HECW2: variants seen among roughly 807,000 people sequenced by gnomAD.
The protein encoded by HECW2 is HECT, C2 and WW domain containing E3 ubiquitin protein ligase 2, also known as E3 ubiquitin-protein ligase HECW2.
In HECW2, 61 loss-of-function variants were observed where a neutral mutation model predicts 175.2. The ratio of observed to expected loss-of-function variants is 0.35; its 90% CI spans 0.28 to 0.43. The LOEUF (loss-of-function observed/expected upper bound fraction) is 0.43, where lower values mean the gene tolerates loss of function less well. Ranked by LOEUF, HECW2 falls within the 20% of genes least tolerant of loss-of-function variation. The pLI, the probability that HECW2 is intolerant of heterozygous loss-of-function variation, is 1.00. For synonymous variants in HECW2, 671 were observed against 731.0 expected, an observed-to-expected ratio of 0.92 and a Z score of 1.32; for missense variants, 1,524 against 2,000.5, an observed-to-expected ratio of 0.76 and a Z score of 4.54.
Position 196,327,423 on chromosome 2 carries a change from T to C in HECW2, c.571+2152A>G, listed in dbSNP as rs1251160518. On this transcript the variant is annotated intron_variant, in intron 5 of 28. Coordinates refer to ENST00000644978, the MANE Select transcript of HECW2 (RefSeq NM_001348768.2). ...GCTCACAAATATCCACACCATATAA[T>C]AGGCCAAAGAAGGACTCAAAGTCAC... Among the ~76,000 whole-genome samples, 5 of 152,236 alleles carry C rather than the reference T, an allele frequency of 3.3e-5. No individual in the cohort carries two copies. The South Asian group carries it at 6.2e-4, about 19-fold the overall frequency.
At chr2:196,398,630 T>C (rs1490903933) in intron 2 of HECW2, among the ~76,000 whole-genome samples, 1 of 152,180 alleles carries the variant, frequency 6.6e-6, no homozygotes, top group Non-Finnish European at 1.5e-5. Context: ...AGGTGGCATC[T>C]TTCTCTATTA....
intron 1 of HECW2, among the ~76,000 whole-genome samples, chr2:196,531,184 G>T (rs1688826789): frequency 6.6e-6 from 1 of 152,154 alleles, no homozygotes; most frequent in Admixed American, 6.6e-5. Flanking sequence ...GATAAAAAGA[G>T]CCCAAGTTCC....
chr2:196,271,425 A>G lies in HECW2; in HGVS notation c.3239-136T>C, dbSNP rs1689733089. 1.3e-5 allele frequency: 8 copies of G among 619,348 alleles called. No individual in the cohort carries two copies. In the South Asian group the frequency reaches 1.4e-4, roughly 11 times the overall value. 38.4% of individuals were successfully genotyped at this position (619,348 alleles called of 1,614,324 possible). On this transcript the variant is annotated intron_variant, in intron 16 of 28. Transcript: ENST00000644978. ...CAGGCTTGCAAGTAGCTGGGATTAT[A>G]GGTGCCTGCCACCATGCTCAGCTAA...
At chr2:196,263,251 G>A (rs995061943) in intron 17 of HECW2, 2 of 152,170 alleles carry the variant, frequency 1.3e-5, no homozygotes, top group African/African-American at 4.8e-5. Flanking sequence ...CACAGTATGT[G>A]TAACCACTTC....
At chr2:196,501,497 C>T (rs1052130739) in intron 1 of HECW2, among the ~76,000 whole-genome samples, 1 of 152,048 alleles carries the variant, frequency 6.6e-6, no homozygotes, top group African/African-American at 2.4e-5. Context: ...GTGATCTGCC[C>T]GCCTCAGCCT....
intron 22 of HECW2, among the ~76,000 whole-genome samples, chr2:196,227,265 C>A (rs1422016280): frequency 6.6e-6 from 1 of 152,154 alleles, no homozygotes; most frequent in African/African-American, 2.4e-5. Context: ...ATGAATCCTG[C>A]TCATATTCTT....
At chr2:196,315,141 AGTGTATGAGTGTGTGT>A (rs1381078389) in intron 10 of HECW2, among the ~76,000 whole-genome samples, 1 of 102,570 alleles carries the variant, frequency 9.7e-6, no homozygotes, top group Non-Finnish European at 2.0e-5. Context: ...CTACAGCACG[AGTGTATGAGTGTGTGT>A]GTGTGTGTGT....
At chr2:196,205,198 T>C (rs1236790242) in intron 28 of HECW2, among the ~76,000 whole-genome samples, 1 of 152,132 alleles carries the variant, frequency 6.6e-6, no homozygotes, top group African/African-American at 2.4e-5. Flanking sequence ...GGAAAGCATA[T>C]ATTGTGGAGG....
At chr2:196,502,504 G>A (rs371218022) in intron 1 of HECW2, among the ~76,000 whole-genome samples, 7 of 152,266 alleles carry the variant, frequency 4.6e-5, no homozygotes, top group Admixed American at 6.5e-5. Flanking sequence ...GCTGGCTTTC[G>A]TTTGTTACAC....
intron 10 of HECW2, among the ~76,000 whole-genome samples, chr2:196,308,974 T>G (rs1691375572): frequency 6.6e-6 from 1 of 152,228 alleles, no homozygotes; most frequent in South Asian, 2.1e-4. Flanking sequence ...CTTTGTGCAT[T>G]TATATTTTTG....
chr2:196,354,997 A>G (rs1039611509), intron 2 of HECW2, among the ~76,000 whole-genome samples: 1 of 152,244 alleles, frequency 6.6e-6, no homozygotes, highest in African/African-American at 2.4e-5. Context: ...TGAATGTTTT[A>G]CTACATAGGA....
intron 13 of HECW2, among the ~76,000 whole-genome samples, chr2:196,306,087 C>A (rs1032908786): frequency 6.6e-6 from 1 of 151,966 alleles, no homozygotes; most frequent in Non-Finnish European, 1.5e-5. Context: ...GGAATTAATA[C>A]CCTTATAAAA....
At chr2:196,213,628 G>A (rs1390747322) in intron 28 of HECW2, among the ~76,000 whole-genome samples, 1 of 152,138 alleles carries the variant, frequency 6.6e-6, no homozygotes, top group Non-Finnish European at 1.5e-5. Context: ...TTATAATCTG[G>A]GTAAAACTAG....
At chr2:196,318,288 G>T (rs949019984) in intron 9 of HECW2, among the ~76,000 whole-genome samples, 4 of 152,160 alleles carry the variant, frequency 2.6e-5, no homozygotes, top group African/African-American at 9.7e-5. Context: ...CTAGCTATGT[G>T]ATTAAGTCCC....
At chr2:196,526,766 G>A (rs1688667471) in intron 1 of HECW2, among the ~76,000 whole-genome samples, 1 of 152,206 alleles carries the variant, frequency 6.6e-6, no homozygotes, top group African/African-American at 2.4e-5. Context: ...CCCTGCTGGG[G>A]GATGCCTCCC....
intron 1 of HECW2, among the ~76,000 whole-genome samples, chr2:196,435,726 C>T (rs1038550516): frequency 3.3e-5 from 5 of 152,218 alleles, no homozygotes; most frequent in African/African-American, 1.2e-4. Context: ...TTCTATCACT[C>T]TATGATCTTA....
At chr2:196,330,973 C>A (rs1692337359) in intron 4 of HECW2, among the ~76,000 whole-genome samples, 1 of 152,020 alleles carries the variant, frequency 6.6e-6, no homozygotes, top group Non-Finnish European at 1.5e-5. Context: ...TTGCTGCATT[C>A]CCCACACTCT....
At chr2:196,359,330 C>T (rs1049527910) in intron 2 of HECW2, among the ~76,000 whole-genome samples, 3 of 152,156 alleles carry the variant, frequency 2.0e-5, no homozygotes, top group African/African-American at 7.2e-5. Context: ...CATCTGTAGT[C>T]CCAGCTACTC....
At chr2:196,398,724 A>C (rs926126924) in intron 2 of HECW2, among the ~76,000 whole-genome samples, 1 of 152,234 alleles carries the variant, frequency 6.6e-6, no homozygotes, top group Admixed American at 6.5e-5. Context: ...GATACCTTGT[A>C]TCCCCATATC....
Sources: gnomAD v4.1 joint callset for allele counts (sites outside exome capture counted in the v4.1 genomes callset) on GRCh38, gnomAD v4.1.1 for gene constraint, MANE v1.5 for transcripts, NCBI Gene and HGNC (gene_info 2026-07-23, HGNC 2026-07-21) for gene names.